Variants in MAP4K4 observed in about 807,000 individuals in gnomAD.
MAP4K4 encodes mitogen-activated protein kinase kinase kinase kinase 4, also known as HPK/GCK-like kinase HGK.
Under a neutral mutation model 189.6 loss-of-function variants are expected in MAP4K4, and 38 were observed. The observed-to-expected ratio is 0.20, with a 90% CI of 0.15 to 0.26. MAP4K4 has a LOEUF of 0.26. MAP4K4 is among the 10% of genes least tolerant of loss of function. The pLI, the probability that MAP4K4 is intolerant of heterozygous loss-of-function variation, is 1.00. For synonymous variants in MAP4K4, 610 were observed against 624.3 expected (o/e 0.98, Z 0.34); for missense variants, 1,054 against 1,726.9 (o/e 0.61, Z 6.91).
chr2:101,756,157 G>A (rs1369733958), intron 2 of MAP4K4, among the ~76,000 whole-genome samples: 4 of 151,942 alleles, frequency 2.6e-5, no homozygotes, highest in African/African-American at 9.7e-5. Flanking sequence ...TGCTAGCCAG[G>A]ATGGTCTGGA....
chr2:101,822,459 T>C (rs1324675462), intron 3 of MAP4K4, among the ~76,000 whole-genome samples: 1 of 152,262 alleles, frequency 6.6e-6, no homozygotes, highest in Non-Finnish European at 1.5e-5. Context: ...ATTACTATTC[T>C]AAGATGACTA....
intron 18 of MAP4K4, among the ~76,000 whole-genome samples, chr2:101,866,078 G>A (rs942955947): frequency 6.6e-5 from 10 of 152,184 alleles, no homozygotes; most frequent in African/African-American, 2.4e-4. Context: ...ATAGTTTTGT[G>A]TATAATTATA....
At chr2:101,732,620 C>A (rs1485612948) in intron 2 of MAP4K4, among the ~76,000 whole-genome samples, 1 of 152,102 alleles carries the variant, frequency 6.6e-6, no homozygotes, top group Non-Finnish European at 1.5e-5. Context: ...GAGTCTTGCT[C>A]TGTTGCCAGG....
At chr2:101,700,257 G>T (rs1271316743) in intron 2 of MAP4K4, among the ~76,000 whole-genome samples, 6 of 152,164 alleles carry the variant, frequency 3.9e-5, no homozygotes, top group Admixed American at 3.3e-4. Context: ...GCTGTTTATG[G>T]TAAGAGTTTA....
chr2:101,760,769 C>T (rs528207941), intron 2 of MAP4K4, among the ~76,000 whole-genome samples: 162 of 152,130 alleles, frequency 1.1e-3, no homozygotes, highest in African/African-American at 3.5e-3. Context: ...TTTGGGAGGC[C>T]GAGGTGGGCG....
intron 12 of MAP4K4, among the ~76,000 whole-genome samples, chr2:101,845,182 T>A (rs199911126): frequency 3.9e-4 from 51 of 131,156 alleles, no homozygotes; most frequent in South Asian, 1.4e-3. Context: ...AAAAAAAAAA[T>A]AAAAATAAAA....
At chr2:101,726,153 A>G (rs936055235) in intron 2 of MAP4K4, among the ~76,000 whole-genome samples, 1 of 152,234 alleles carries the variant, frequency 6.6e-6, no homozygotes, top group African/African-American at 2.4e-5. Context: ...AGATAAACCA[A>G]TCAAATTGAT....
intron 20 of MAP4K4, chr2:101,867,725 G>A (rs1009902007): frequency 4.0e-5 from 17 of 428,480 alleles, no homozygotes; most frequent in Middle Eastern, 6.0e-4. Context: ...TACAATACTG[G>A]CTTTTAGACT....
At chr2:101,773,425 T>G (rs1043668098) in intron 2 of MAP4K4, among the ~76,000 whole-genome samples, 2 of 152,224 alleles carry the variant, frequency 1.3e-5, no homozygotes, top group Admixed American at 6.5e-5. Context: ...TGCCTTCAAT[T>G]TTTTTCTTGT....
At chr2:101,713,191 A>T (rs975131164) in intron 2 of MAP4K4, among the ~76,000 whole-genome samples, 3 of 151,702 alleles carry the variant, frequency 2.0e-5, no homozygotes, top group Non-Finnish European at 4.4e-5. Flanking sequence ...TACAGGTGTG[A>T]ACCACTGCGC....
intron 3 of MAP4K4, among the ~76,000 whole-genome samples, chr2:101,803,455 C>A (rs1426336950): frequency 6.6e-6 from 1 of 152,134 alleles, no homozygotes; most frequent in Non-Finnish European, 1.5e-5. Flanking sequence ...GTGTCCATTC[C>A]TTTGAAACAC....
intron 29 of MAP4K4, among the ~76,000 whole-genome samples, chr2:101,886,161 T>C (rs2098477551): frequency 6.6e-6 from 1 of 152,190 alleles, no homozygotes; most frequent in Non-Finnish European, 1.5e-5. Flanking sequence ...GGTTATACAG[T>C]TATATTATCT....
At chr2:101,886,807 C>T (rs893849013) in intron 29 of MAP4K4, among the ~76,000 whole-genome samples, 6 of 151,806 alleles carry the variant, frequency 4.0e-5, no homozygotes, top group East Asian at 3.9e-4. Context: ...TTTGGGAGGT[C>T]GAGGTCAGGA....
At chr2:101,715,685 T>C (rs2047988669) in intron 2 of MAP4K4, among the ~76,000 whole-genome samples, 1 of 152,224 alleles carries the variant, frequency 6.6e-6, no homozygotes, top group Admixed American at 6.5e-5. Context: ...ATACTCAACC[T>C]GAAAATTTTG....
At chr2:101,717,803 G>C (rs2049253468) in intron 2 of MAP4K4, among the ~76,000 whole-genome samples, 1 of 152,220 alleles carries the variant, frequency 6.6e-6, no homozygotes, top group Non-Finnish European at 1.5e-5. Context: ...TGGAGACGGT[G>C]AAGACTCAGG....
Position 101,797,889 on chromosome 2 carries a change from GTTTTTTTTTT to G in MAP4K4, c.180+7125_180+7134del, listed in dbSNP as rs58201235. Among the ~76,000 whole-genome samples the G allele has an allele frequency of 9.6e-5, 5 of 52,304 alleles. 1 individual carries two copies. The highest frequency in any genetic ancestry group is 1.5e-4 in the African/African-American group (2 of 13,140). The allele number at this position is 52,304 out of a possible 152,430, so 34.3% of individuals were successfully genotyped here. A position where few individuals can be genotyped will look rare whatever the true frequency, so the allele number is the denominator to read the frequency against. On this transcript the variant is annotated intron_variant, in intron 3 of 32. Coordinates refer to ENST00000324219, the Ensembl canonical transcript of MAP4K4. ...TGAAGCTTTTTAAAACATTCTTTTA[GTTTTTTTTTT>G]TTTTTTTTTTTGGAGACCAAGGTCT...
chr2:101,863,863 C>G, exon 17 of MAP4K4: 1 of 1,367,694 alleles, frequency 7.3e-7, no homozygotes, highest in Non-Finnish European at 9.8e-7. Flanking sequence ...CAATGTTTCC[C>G]CTGTCTCGCG....
In MAP4K4 at chr2:101,853,086, A is replaced by G. The variant is rs144313718; in HGVS notation, c.1234-2891A>G. Among the ~76,000 whole-genome samples the G allele has an allele frequency of 5.3e-4, 81 of 152,314 alleles. 1 individual carries two copies. Among genetic ancestry groups the G allele is most frequent in the African/African-American group, 1.9e-3 (81 of 41,576 alleles). On this transcript the variant is annotated intron_variant, in intron 12 of 32. Coordinates refer to ENST00000324219, the Ensembl canonical transcript of MAP4K4. ...TGGAGATAACTGATCAGCCCAAAGG[A>G]AATAAGGCCCCAAGTGAAATGATCA...
At chr2:101,725,698 A>G (rs1462125285) in intron 2 of MAP4K4, among the ~76,000 whole-genome samples, 3 of 152,210 alleles carry the variant, frequency 2.0e-5, no homozygotes, top group African/African-American at 7.2e-5. Context: ...TCTCTCACAC[A>G]GTGCCCTGTG....
Sources: allele counts gnomAD v4.1 joint callset (sites outside exome capture counted in the v4.1 genomes callset), GRCh38; gene constraint gnomAD v4.1.1; transcripts MANE v1.5; gene names NCBI Gene and HGNC (gene_info 2026-07-23, HGNC 2026-07-21).